DNAH8: variants seen among roughly 807,000 people sequenced by gnomAD.
DNAH8 encodes the protein dynein axonemal heavy chain 8.
In DNAH8, 382 loss-of-function variants were observed where a neutral mutation model predicts 562.1. The observed-to-expected ratio is 0.68, with a 90% confidence interval of 0.63 to 0.74. The LOEUF is 0.74. Among genes scored for constraint, DNAH8 ranks in the 30% least tolerant of loss-of-function variants. The pLI is 0.00. For missense variants in DNAH8, 5,203 were observed against 5,620.4 expected (o/e 0.93, Z 2.37); for synonymous variants, 1,881 against 1,919.4 (o/e 0.98, Z 0.52).
At chr6:39,003,348 C>G (rs1576753) in intron 88 of DNAH8, among the ~76,000 whole-genome samples, 2 of 152,218 alleles carry the variant, frequency 1.3e-5, no homozygotes, top group African/African-American at 4.8e-5. Context: ...TGATTTATCT[C>G]TGTTAACTTC....
At chr6:38,818,537 C>CA (rs70981590) in intron 26 of DNAH8, among the ~76,000 whole-genome samples, 2,484 of 75,866 alleles carry the variant, frequency 0.033, 174 homozygotes, top group East Asian at 0.26. Context: ...AAAGCAAAAG[C>CA]AAAAAAAAAA....
chr6:38,850,544 C>A (rs911184978), intron 38 of DNAH8, 130 bp downstream of exon 38: 1 of 795,238 alleles, frequency 1.3e-6, no homozygotes, highest in Non-Finnish European at 1.9e-6. Context: ...TAAAATTTCA[C>A]ATAGATTGAA....
At chr6:38,850,528 G>A (rs1251753033) in intron 38 of DNAH8, 114 bp downstream of exon 38, 1 of 935,292 alleles carries the variant, frequency 1.1e-6, no homozygotes, top group Non-Finnish European at 1.5e-6. Context: ...AGTGGGGCTA[G>A]GAACTTAAAA....
intron 91 of DNAH8, among the ~76,000 whole-genome samples, chr6:39,022,693 G>A (rs766309080): frequency 7.2e-5 from 11 of 152,194 alleles, no homozygotes; most frequent in Admixed American, 2.6e-4. Context: ...CTGGGGTCTT[G>A]TTTTCTGGTC....
intron 82 of DNAH8, among the ~76,000 whole-genome samples, chr6:38,969,553 T>G (rs9366989): frequency 0.13 from 20,236 of 151,942 alleles, 1,614 homozygotes; most frequent in East Asian, 0.35. Flanking sequence ...AAAGTCTTGC[T>G]GACAGGGTGA....
At position 38,734,628 on chromosome 6, in the gene DNAH8, A is replaced by G. The variant is rs758704567; in HGVS notation, c.762+3A>G. On this transcript the variant is annotated splice_donor_region_variant and intron_variant, in intron 5 of 92. Transcript: ENST00000327475. ...TAAATGTTAAAACTATTCAAGAGGT[A>G]TGTTTAAAAATTTCCCCAAATACAT... is the stretch of plus-strand genomic sequence containing the variant. The G allele has an allele frequency of 1.1e-5, 18 of 1,608,590 alleles. No homozygotes were observed. Among genetic ancestry groups the G allele is most frequent in the Admixed American group, 1.7e-5 (1 of 58,708 alleles).
chr6:38,989,850 T>C (rs1764658905), intron 87 of DNAH8, among the ~76,000 whole-genome samples, 162 bp from the exon 88 acceptor site: 1 of 152,224 alleles, frequency 6.6e-6, no homozygotes, highest in Admixed American at 6.5e-5. Flanking sequence ...CTTTTCTCCA[T>C]ATATGTGGTA....
At chr6:39,015,581 G>T (rs1425377471) in intron 91 of DNAH8, among the ~76,000 whole-genome samples, 1 of 152,122 alleles carries the variant, frequency 6.6e-6, no homozygotes, top group Non-Finnish European at 1.5e-5. Context: ...AGACGTGCCT[G>T]CTTCCCCTTC....
At chr6:38,884,122 C>A in intron 56 of DNAH8, 124 bp downstream of exon 56, 1 of 532,904 alleles carries the variant, frequency 1.9e-6, no homozygotes, top group Non-Finnish European at 2.6e-6. Flanking sequence ...TGCCAATCCT[C>A]AGTCTTTTTC....
intron 12 of DNAH8, among the ~76,000 whole-genome samples, chr6:38,772,108 A>C (rs1286365539): frequency 1.4e-5 from 2 of 146,442 alleles, no homozygotes. Context: ...GGCTCACTGC[A>C]AGCTCCACCT....
rs1275810728 is a variant in DNAH8 at position 38,920,958 on chromosome 6, A to G, written c.10525-411A>G. Among the ~76,000 whole-genome samples the G allele has an allele frequency of 2.0e-5, 3 of 152,252 alleles. No individual in the cohort carries two copies. The East Asian group carries it at 5.8e-4, about 29-fold the overall frequency. Reference sequence around the variant, plus strand: ...CAGGCTGGAGTACAGTGTTGCGATCACAGCTCACTGCAGCCTCGACCTCCG... The same window carrying G: ...CAGGCTGGAGTACAGTGTTGCGATCGCAGCTCACTGCAGCCTCGACCTCCG... On this transcript the variant is annotated intron_variant, in intron 70 of 92. Coordinates refer to ENST00000327475, the MANE Select transcript of DNAH8 (RefSeq NM_001206927.2).
intron 1 of DNAH8, among the ~76,000 whole-genome samples, chr6:38,717,904 C>G (rs796454811): frequency 3.9e-5 from 6 of 152,182 alleles, no homozygotes; most frequent in Admixed American, 1.3e-4. Flanking sequence ...GCATATTAAA[C>G]CTTCTTAAAG....
At chr6:39,004,803 G>A (rs1765702035) in intron 88 of DNAH8, among the ~76,000 whole-genome samples, 1 of 152,110 alleles carries the variant, frequency 6.6e-6, no homozygotes, top group South Asian at 2.1e-4. Flanking sequence ...TTTTATGTCT[G>A]GATTCTTTCA....
chr6:38,750,334 T>G, intron 8 of DNAH8, 142 bp from the exon 9 acceptor site: 1 of 471,148 alleles, frequency 2.1e-6, no homozygotes, highest in South Asian at 4.8e-5. Flanking sequence ...TCAAGTATTA[T>G]AAGAAAAACA....
intron 62 of DNAH8, among the ~76,000 whole-genome samples, chr6:38,901,715 AAC>A (rs932047844): frequency 9.2e-5 from 14 of 152,342 alleles, no homozygotes; most frequent in Admixed American, 2.6e-4. Flanking sequence ...TTTATAAACA[AAC>A]ACACAAATCA....
At chr6:39,000,562 T>G (rs982361459) in intron 88 of DNAH8, among the ~76,000 whole-genome samples, 5 of 152,306 alleles carry the variant, frequency 3.3e-5, no homozygotes, top group Admixed American at 3.3e-4. Context: ...GCCAGGGACC[T>G]AGGTTACACA....
chr6:38,917,180 C>T, intron 68 of DNAH8, 59 bp from the exon 69 acceptor site: 1 of 1,193,830 alleles, frequency 8.4e-7, no homozygotes, highest in Non-Finnish European at 1.1e-6. Context: ...TATTAGATTT[C>T]CATATAACTA....
chr6:38,948,591 G>A lies in DNAH8; in HGVS notation c.12130-861G>A, dbSNP rs201534438. ...CGACCTCAGGTGATCTGCCCGCCTCGGCCTCCCAAAGTGCTTACAGGCATG... is the reference window on the plus strand; with the variant it reads ...CGACCTCAGGTGATCTGCCCGCCTCAGCCTCCCAAAGTGCTTACAGGCATG... On this transcript the variant is annotated intron_variant, in intron 80 of 92. Coordinates refer to ENST00000327475, the MANE Select transcript of DNAH8 (RefSeq NM_001206927.2). 3.9e-5 allele frequency among the ~76,000 whole-genome samples: 6 copies of A among 152,110 alleles called. No homozygotes were observed. In the South Asian group the frequency reaches 6.3e-4, roughly 16 times the overall value.
chr6:38,867,270 A>C (rs1262447795), intron 47 of DNAH8, among the ~76,000 whole-genome samples: 1 of 141,266 alleles, frequency 7.1e-6, no homozygotes, highest in Admixed American at 7.2e-5. Flanking sequence ...GTTGTATGGA[A>C]TATGTAAGAT....
Sources: gnomAD v4.1 joint callset for allele counts (sites outside exome capture counted in the v4.1 genomes callset) on GRCh38, gnomAD v4.1.1 for gene constraint, MANE v1.5 for transcripts, NCBI Gene and HGNC (gene_info 2026-07-23, HGNC 2026-07-21) for gene names.